CPNE4: variants seen among roughly 807,000 people sequenced by gnomAD.
The protein encoded by CPNE4 is copine 4, also known as copine-4.
A neutral mutation model predicts 67.9 loss-of-function variants in CPNE4; 25 were observed. The observed-to-expected ratio is 0.37, with a 90% CI of 0.27 to 0.51. The LOEUF (loss-of-function observed/expected upper bound fraction) is 0.51. Among genes scored for constraint, CPNE4 ranks in the 20% least tolerant of loss-of-function variants. CPNE4 has a pLI of 0.93. For synonymous variants in CPNE4, 242 were observed against 244.9 expected, an observed-to-expected ratio of 0.99 and a Z score of 0.11; for missense variants, 464 against 690.8, an observed-to-expected ratio of 0.67 and a Z score of 3.68.
intron 2 of CPNE4, among the ~76,000 whole-genome samples, chr3:131,780,976 G>A (rs1158319128): frequency 1.3e-5 from 2 of 152,016 alleles, no homozygotes; most frequent in South Asian, 2.1e-4. Flanking sequence ...GGACAGTGAA[G>A]GTCTGGAAGT....
At chr3:131,841,337 C>T (rs1242243216) in intron 2 of CPNE4, among the ~76,000 whole-genome samples, 1 of 152,198 alleles carries the variant, frequency 6.6e-6, no homozygotes, top group Non-Finnish European at 1.5e-5. Context: ...AAAATTACAT[C>T]ACTAAGCATG....
At chr3:131,740,034 A>G (rs556640075) in intron 2 of CPNE4, among the ~76,000 whole-genome samples, 1 of 152,336 alleles carries the variant, frequency 6.6e-6, no homozygotes, top group Non-Finnish European at 1.5e-5. Context: ...CACAGAACCA[A>G]TTGGCTTCTT....
intron 7 of CPNE4, among the ~76,000 whole-genome samples, chr3:131,612,256 C>A (rs567281726): frequency 2.0e-5 from 3 of 152,068 alleles, no homozygotes; most frequent in Non-Finnish European, 4.4e-5. Flanking sequence ...CACCTGTAAT[C>A]CCAGCTACTC....
At chr3:131,952,431 G>A (rs1018629253) in intron 1 of CPNE4, among the ~76,000 whole-genome samples, 1 of 147,902 alleles carries the variant, frequency 6.8e-6, no homozygotes, top group African/African-American at 2.4e-5. Flanking sequence ...GGGAAGTGAG[G>A]AGCGTCTCCG....
At chr3:131,744,335 G>T (rs1350889951) in intron 2 of CPNE4, among the ~76,000 whole-genome samples, 3 of 152,080 alleles carry the variant, frequency 2.0e-5, no homozygotes, top group African/African-American at 4.8e-5. Flanking sequence ...AGTGATAAAA[G>T]ACTTTTTAAA....
At chr3:131,923,562 G>T (rs941286289) in intron 1 of CPNE4, among the ~76,000 whole-genome samples, 1 of 151,738 alleles carries the variant, frequency 6.6e-6, no homozygotes, top group African/African-American at 2.4e-5. Context: ...AAAATTAGCT[G>T]GGCATGGTGA....
At chr3:131,633,721 G>A (rs745558879) in intron 7 of CPNE4, among the ~76,000 whole-genome samples, 12 of 151,426 alleles carry the variant, frequency 7.9e-5, no homozygotes, top group Admixed American at 1.3e-4. Flanking sequence ...TCGTTATGAA[G>A]AAAGGCTAAA....
At chr3:131,671,669 G>C (rs576843141) in intron 6 of CPNE4, among the ~76,000 whole-genome samples, 3 of 152,102 alleles carry the variant, frequency 2.0e-5, no homozygotes, top group African/African-American at 7.2e-5. Context: ...GAAATTCTTG[G>C]GAACAGGAGA....
At chr3:131,906,243 TTTTG>T (rs1165250382) in intron 1 of CPNE4, among the ~76,000 whole-genome samples, 2 of 151,956 alleles carry the variant, frequency 1.3e-5, no homozygotes, top group African/African-American at 2.4e-5. Context: ...TTTATTTTGT[TTTTG>T]TTTTTTTGTT....
chr3:131,820,728 AACAC>A (rs1280610454), intron 2 of CPNE4, among the ~76,000 whole-genome samples: 1 of 152,246 alleles, frequency 6.6e-6, no homozygotes. Context: ...TGATCCCAGA[AACAC>A]ACACTCATCT....
chr3:132,007,794 TCA>T (rs1184771746), intron 1 of CPNE4, among the ~76,000 whole-genome samples: 4 of 152,198 alleles, frequency 2.6e-5, no homozygotes, highest in African/African-American at 7.2e-5. Context: ...ATTTTCTGTC[TCA>T]CAGTCACTTG....
At chr3:131,698,620 A>G (rs2081217377) in intron 4 of CPNE4, among the ~76,000 whole-genome samples, 1 of 151,880 alleles carries the variant, frequency 6.6e-6, no homozygotes, top group South Asian at 2.1e-4. Context: ...AAAAAAAAAA[A>G]AAAAATCAGG....
chr3:131,677,799 T>C (rs932990203), intron 6 of CPNE4, among the ~76,000 whole-genome samples: 1 of 152,192 alleles, frequency 6.6e-6, no homozygotes, highest in African/African-American at 2.4e-5. Flanking sequence ...ATGTGTCTGT[T>C]CTTATACCAG....
chr3:131,829,127 C>G (rs560995848), intron 2 of CPNE4, among the ~76,000 whole-genome samples: 72 of 152,144 alleles, frequency 4.7e-4, no homozygotes, highest in Non-Finnish European at 8.5e-4. Context: ...ACCATCAGAT[C>G]TTGTGAGACT....
rs1406965235 is a variant in CPNE4 at position 131,821,072 on chromosome 3, T to G, written c.180+84192A>C. Among the ~76,000 whole-genome samples the G allele has an allele frequency of 2.6e-5, 4 of 152,286 alleles. No individual in the cohort carries two copies. In the East Asian group the frequency reaches 7.7e-4, roughly 29 times the overall value. On this transcript the variant is annotated intron_variant, in intron 2 of 15. Coordinates refer to ENST00000429747, the MANE Select transcript of CPNE4 (RefSeq NM_130808.3). ...CACATTTTACAGGGTAATCAACACA[T>G]GTCTCATATTTGCCCCAGAAAACTG...
intron 1 of CPNE4, among the ~76,000 whole-genome samples, chr3:131,939,528 G>A (rs567006869): frequency 1.6e-5 from 1 of 62,998 alleles, no homozygotes; most frequent in Non-Finnish European, 2.9e-5. Flanking sequence ...GTGTAGGGTG[G>A]AATATCTGTC....
chr3:131,964,403 G>A (rs1401766244), intron 1 of CPNE4, among the ~76,000 whole-genome samples: 1 of 151,946 alleles, frequency 6.6e-6, no homozygotes, highest in Non-Finnish European at 1.5e-5. Flanking sequence ...GGCTTCAGAA[G>A]GCAGGTAATA....
At chr3:131,972,559 G>A (rs1462082232) in intron 1 of CPNE4, among the ~76,000 whole-genome samples, 1 of 152,126 alleles carries the variant, frequency 6.6e-6, no homozygotes, top group African/African-American at 2.4e-5. Flanking sequence ...AACAAACGGT[G>A]CCCCTCACAT....
At chr3:131,865,133 C>T (rs146174736) in intron 2 of CPNE4, among the ~76,000 whole-genome samples, 15 of 152,184 alleles carry the variant, frequency 9.9e-5, no homozygotes, top group Admixed American at 6.5e-4. Flanking sequence ...ATTTTTGCTT[C>T]GATGTTCATC....
Sources: allele counts gnomAD v4.1 joint callset (sites outside exome capture counted in the v4.1 genomes callset), GRCh38; gene constraint gnomAD v4.1.1; transcripts MANE v1.5; gene names NCBI Gene and HGNC (gene_info 2026-07-23, HGNC 2026-07-21).